Variants in ZNF219 observed in about 807,000 individuals in gnomAD.
ZNF219 encodes the protein zinc finger protein 219.
In ZNF219, 17 loss-of-function variants were observed where a neutral mutation model predicts 54.4. The ratio of observed to expected loss-of-function variants is 0.31; its 90% CI spans 0.21 to 0.47. ZNF219 has a LOEUF of 0.47. Ranked by LOEUF, ZNF219 falls within the 20% of genes least tolerant of loss-of-function variation. The probability of loss-of-function intolerance (pLI) is 1.00; values close to 1 mark genes in which losing one functional copy is unlikely to be tolerated. For synonymous variants in ZNF219, 518 were observed against 476.4 expected (o/e 1.09, Z -1.14); for missense variants, 1,014 against 1,062.3 (o/e 0.95, Z 0.63).
chr14:21,098,356 C>CGGCGGCG lies in ZNF219; in HGVS notation c.-135_-129dup, dbSNP rs938878533. ...GCGGAGCGGGCGGCGGCGGCGGCGG[C>CGGCGGCG]GGCGGCGGGCGGCGGGCCGGCGGCG... On this transcript the variant is annotated 5_prime_UTR_variant, in exon 1 of 5. An upstream open reading frame in the 5' UTR loses its in-frame stop. Transcript: ENST00000360947. 9 of 357,434 alleles carry CGGCGGCG rather than the reference C, an allele frequency of 2.5e-5. No homozygotes were observed. Among genetic ancestry groups the CGGCGGCG allele is most frequent in the Admixed American group, 1.4e-4 (2 of 14,590 alleles). The allele number at this position is 357,434 out of a possible 1,614,324, so 22.1% of individuals were successfully genotyped here.
In ZNF219 at chr14:21,094,732, G is replaced by C. The variant is rs1383244228; in HGVS notation, c.-83-1058C>G. Among the ~76,000 whole-genome samples, 14 of 88,054 alleles carry C rather than the reference G, an allele frequency of 1.6e-4. 2 individuals carry two copies. The East Asian group carries it at 3.5e-3, about 22-fold the overall frequency. 57.8% of individuals were successfully genotyped at this position (88,054 alleles called of 152,430 possible). On this transcript the variant is annotated intron_variant, in intron 1 of 4. Coordinates refer to ENST00000360947, the MANE Select transcript of ZNF219 (RefSeq NM_016423.3). ...AGAGGAAGAGGATAGGGGTTGGGGG[G>C]GGGGGCGGGTGCTGATCCTAAGCTG...
chr14:21,093,180 C>T lies in ZNF219; in HGVS notation c.117G>A (p.Ser39=), dbSNP rs777433582. The change falls in exon 3 of 5, where the codon TCG becomes TCA. Residue 39 remains serine, a synonymous_variant. Transcript: ENST00000360947. ...ACCAGCTCACCGCTCCCATCCCGAG[C>T]GACCCTGCGCTCACGGCTGGCCCGT... ...YSNGPAVSAG[S]LGMGAVSWSE... is the part of the protein sequence containing the mutation. 3 of 1,609,208 alleles carry T rather than the reference C, an allele frequency of 1.9e-6. No individual in the cohort carries two copies. Among genetic ancestry groups the T allele is most frequent in the African/African-American group, 1.3e-5 (1 of 75,034 alleles).
Position 21,098,570 on chromosome 14 carries a change from G to A in ZNF219, c.-342C>T, listed in dbSNP as rs1889450922. The A allele has an allele frequency of 2.0e-6, 2 of 992,844 alleles. No homozygotes were observed. Among genetic ancestry groups the A allele is most frequent in the South Asian group, 4.3e-5 (1 of 23,302 alleles). The allele number at this position is 992,844 out of a possible 1,614,324, so 61.5% of individuals were successfully genotyped here. A position where few individuals can be genotyped will look rare whatever the true frequency, so the allele number is the denominator to read the frequency against. Reference sequence around the variant, plus strand: ...GGGGCTGGGAGCCGCGCGGGAGCCGGGCTCTGGCTCCGGGGACAGGGAGCT... The same window carrying A: ...GGGGCTGGGAGCCGCGCGGGAGCCGAGCTCTGGCTCCGGGGACAGGGAGCT... On this transcript the variant is annotated 5_prime_UTR_variant, in exon 1 of 5. Coordinates refer to ENST00000360947, the MANE Select transcript of ZNF219 (RefSeq NM_016423.3).
intron 1 of ZNF219, among the ~76,000 whole-genome samples, chr14:21,097,123 G>T (rs1478133622): frequency 1.3e-5 from 2 of 152,148 alleles, no homozygotes; most frequent in Non-Finnish European, 2.9e-5. Flanking sequence ...CACTTTTATG[G>T]TCTCCTCTCC....
At chr14:21,103,022 A>G (rs1889744419), upstream of ZNF219, 1 of 1,502,440 alleles carries the variant, frequency 6.7e-7, no homozygotes, top group Admixed American at 2.0e-5. Flanking sequence ...CTGCCTAAAT[A>G]TTGGCAGGAC....
At chr14:21,103,057 G>A, upstream of ZNF219, 1 of 1,545,756 alleles carries the variant, frequency 6.5e-7, no homozygotes, top group Non-Finnish European at 8.7e-7. Context: ...TAGAAAATTG[G>A]GCAGGAGGAA....
intron 3 of ZNF219, 42 bp downstream of exon 3, chr14:21,091,823 G>A: frequency 6.7e-7 from 1 of 1,489,308 alleles, no homozygotes; most frequent in Non-Finnish European, 8.9e-7. Context: ...AAGAGTCAGA[G>A]GAGGACGCGG....
upstream of ZNF219, chr14:21,102,314 G>A (rs1889690903): frequency 2.0e-6 from 3 of 1,482,206 alleles, no homozygotes; most frequent in Non-Finnish European, 2.7e-6. Flanking sequence ...AGAAGCAGAA[G>A]CTGAGTTTTG....
upstream of ZNF219, chr14:21,101,853 C>A (rs1458519624): frequency 1.3e-6 from 2 of 1,549,992 alleles, no homozygotes; most frequent in East Asian, 2.4e-5. Context: ...ATTACCCTAC[C>A]CTTACCCCCA....
chr14:21,103,291 C>T, upstream of ZNF219: 1 of 1,539,974 alleles, frequency 6.5e-7, no homozygotes, highest in Non-Finnish European at 8.8e-7. Context: ...TGCATCCCAC[C>T]CCACCAAACT....
Position 21,092,464 on chromosome 14 carries a change from A to C in ZNF219, c.833T>G (p.Val278Gly). 1 of 1,557,166 alleles carries C rather than the reference A, an allele frequency of 6.4e-7. No homozygotes were observed. Among genetic ancestry groups the C allele is most frequent in the Non-Finnish European group, 8.7e-7 (1 of 1,150,590 alleles). The change falls in exon 3 of 5, where the codon GTG becomes GGG. Residue 278 changes from valine to glycine, a missense_variant. Coordinates refer to ENST00000360947, the MANE Select transcript of ZNF219 (RefSeq NM_016423.3). ...AGACTGTGTAAAGCTCTGGCCGCAC[A>C]CTTGGCAGCGGAACTCCGGAGGCGC... ...PPAPPEFRCQ[V>G]CGQSFTQSWF... is the part of the protein sequence containing the mutation.
At chr14:21,102,030 C>A, upstream of ZNF219, 1 of 1,550,664 alleles carries the variant, frequency 6.4e-7, no homozygotes. Flanking sequence ...CCTAACGGGA[C>A]CAGAGCTCAA....
rs1385471002 is a variant in ZNF219, at chr14:21,093,612, G to A, written c.-21C>T. 1.2e-6 allele frequency: 2 copies of A among 1,613,996 alleles called. No homozygotes were observed. Among genetic ancestry groups the A allele is most frequent in the Non-Finnish European group, 1.7e-6 (2 of 1,180,008 alleles). ...TCCATGGACCCCCTTCACATTCTTT[G>A]GTTCTGGGAAGTGCAGGGAAGAGGA... On this transcript the variant is annotated 5_prime_UTR_variant, in exon 2 of 5. Transcript: ENST00000360947.
At position 21,091,024 on chromosome 14, in the gene ZNF219, G is replaced by T; in HGVS notation, c.1681C>A (p.Pro561Thr). The T allele has an allele frequency of 6.4e-7, 1 of 1,553,776 alleles. No homozygotes were observed. The highest frequency in any genetic ancestry group is 1.4e-5 in the African/African-American group (1 of 73,746). Residue 561 changes from proline (P) to threonine (T), a missense_variant, in exon 5 of 5, where the codon CCC (proline) becomes ACC (threonine). Transcript: ENST00000360947. Reference protein sequence around the residue: ...EQRSGAGPGPPPEPPPPSQRG... With the variant: ...EQRSGAGPGPTPEPPPPSQRG... The stretch of plus-strand genomic sequence containing the variant: ...TGGGAAGGAGGCGGTGGCTCCGGGG[G>T]TGGCCCGGGGCCGGCCCCGCTCCTC...
upstream of ZNF219, chr14:21,101,939 C>T: frequency 6.4e-7 from 1 of 1,551,692 alleles, no homozygotes; most frequent in East Asian, 2.4e-5. Context: ...CTGATTGTCA[C>T]ATGGCCACAG....
upstream of ZNF219, chr14:21,103,028 A>C (rs1228098787): frequency 2.6e-6 from 4 of 1,518,454 alleles, no homozygotes; most frequent in African/African-American, 5.5e-5. Flanking sequence ...AAATATTGGC[A>C]GGACTATGGG....
upstream of ZNF219, among the ~76,000 whole-genome samples, chr14:21,099,395 C>G (rs1227223155): frequency 1.3e-5 from 2 of 152,144 alleles, no homozygotes; most frequent in South Asian, 4.2e-4. Flanking sequence ...CATCTCACAT[C>G]GCCACCAAAT....
rs1358282651 is a variant in ZNF219 at position 21,090,433 on chromosome 14, T to TG, written c.*102dup. ...CTCTGGTCCGCCTGGGGCTGGGATA[T>TG]GGGTCCCACGCTGCCCCCTGCTGGC... On this transcript the variant is annotated 3_prime_UTR_variant, in exon 5 of 5. Coordinates refer to ENST00000360947, the MANE Select transcript of ZNF219 (RefSeq NM_016423.3). The surrounding 1 kb of genome is among the most constrained non-coding windows in gnomAD (Gnocchi z 4.4). 4.9e-6 allele frequency: 7 copies of TG among 1,434,856 alleles called. No homozygotes were observed. The East Asian group carries it at 1.7e-4, about 34-fold the overall frequency. The allele number at this position is 1,434,856 out of a possible 1,614,324, so 88.9% of individuals were successfully genotyped here.
Position 21,092,723 on chromosome 14 carries a change from C to T in ZNF219, c.574G>A (p.Gly192Ser). The T allele has an allele frequency of 6.3e-7, 1 of 1,587,354 alleles. No individual in the cohort carries two copies. Residue 192 changes from glycine to serine, a missense_variant, in exon 3 of 5, where the codon GGC (glycine) becomes AGC (serine). Transcript: ENST00000360947. Reference sequence around the variant, plus strand: ...TGGCTGGAGCCGAAACTGCACAGGCCGCACTTCCAGGGCCTATGCAGGATG... The same window carrying T: ...TGGCTGGAGCCGAAACTGCACAGGCTGCACTTCCAGGGCCTATGCAGGATG... ...LHILHRPWKC[G>S]LCSFGSSQEE...
Sources: gnomAD v4.1 joint callset for allele counts (sites outside exome capture counted in the v4.1 genomes callset) on GRCh38, gnomAD v4.1.1 for gene constraint, Gnocchi (gnomAD v3.1) non-coding constraint, MANE v1.5 for transcripts, NCBI Gene and HGNC (gene_info 2026-07-23, HGNC 2026-07-21) for gene names.